RGS17: variants seen among roughly 807,000 people sequenced by gnomAD.
RGS17 encodes the protein regulator of G protein signaling 17.
A neutral mutation model predicts 25.5 loss-of-function variants in RGS17; 12 were observed. The observed-to-expected ratio is 0.47, with a 90% CI of 0.30 to 0.76. The LOEUF (loss-of-function observed/expected upper bound fraction) is 0.76. RGS17 is among the 30% of genes least tolerant of loss of function. The pLI, the probability that RGS17 is intolerant of heterozygous loss-of-function variation, is 0.07. For missense variants in RGS17, 196 were observed against 242.2 expected, an observed-to-expected ratio of 0.81 and a Z score of 1.27; for synonymous variants, 71 against 76.9, an observed-to-expected ratio of 0.92 and a Z score of 0.40.
intron 2 of RGS17, among the ~76,000 whole-genome samples, chr6:153,032,425 G>A (rs1427128858): frequency 2.0e-5 from 3 of 151,968 alleles, no homozygotes; most frequent in South Asian, 2.1e-4. Context: ...TTAAGCTTTT[G>A]TTTCATGAAC....
At chr6:153,046,665 T>C (rs1776388099) in intron 1 of RGS17, among the ~76,000 whole-genome samples, 1 of 152,086 alleles carries the variant, frequency 6.6e-6, no homozygotes, top group South Asian at 2.1e-4. Context: ...CCAAGGAATA[T>C]ACTCAGAATT....
At chr6:153,030,810 A>G (rs1018527133) in intron 2 of RGS17, among the ~76,000 whole-genome samples, 13 of 152,228 alleles carry the variant, frequency 8.5e-5, no homozygotes, top group African/African-American at 3.1e-4. Context: ...TGAATAAGAC[A>G]AAGGCTCTGC....
At chr6:153,022,135 G>A (rs969261541) in intron 4 of RGS17, among the ~76,000 whole-genome samples, 3 of 152,176 alleles carry the variant, frequency 2.0e-5, no homozygotes, top group African/African-American at 7.2e-5. Context: ...TTGAACCCAG[G>A]AGGTGGAGGT....
rs1447082593 is a variant in RGS17 at position 153,005,663 on chromosome 6, C to T, written c.*5911G>A. 4 of 152,022 alleles carry T rather than the reference C, an allele frequency of 2.6e-5. No homozygotes were observed. The East Asian group carries it at 7.7e-4, about 29-fold the overall frequency. The allele number at this position is 152,022 out of a possible 1,614,324, so 9.4% of individuals were successfully genotyped here. A position where few individuals can be genotyped will look rare whatever the true frequency, so the allele number is the denominator to read the frequency against. On this transcript the variant is annotated 3_prime_UTR_variant, in exon 5 of 5. Coordinates refer to ENST00000206262, the MANE Select transcript of RGS17 (RefSeq NM_012419.5). Reference sequence around the variant, plus strand: ...AAAACCAAAAACCTGTGTCTAGTCACGAGAAAAACATCAGACGAATCCCCA... The same window carrying T: ...AAAACCAAAAACCTGTGTCTAGTCATGAGAAAAACATCAGACGAATCCCCA...
At chr6:153,062,975 A>T (rs1446690836) in intron 1 of RGS17, among the ~76,000 whole-genome samples, 1 of 152,174 alleles carries the variant, frequency 6.6e-6, no homozygotes, top group Non-Finnish European at 1.5e-5. Context: ...AGGACCATCA[A>T]GGCAGTACCT....
At chr6:153,038,327 T>C (rs560212639) in intron 2 of RGS17, among the ~76,000 whole-genome samples, 6 of 152,294 alleles carry the variant, frequency 3.9e-5, no homozygotes, top group Non-Finnish European at 5.9e-5. Context: ...TCTGGTTTTG[T>C]GTATATGGCC....
At chr6:153,029,581 TTTTC>T (rs1413759100) in intron 2 of RGS17, among the ~76,000 whole-genome samples, 1 of 151,574 alleles carries the variant, frequency 6.6e-6, no homozygotes, top group Non-Finnish European at 1.5e-5. Context: ...ACACTTTTTT[TTTTC>T]TTTTTCTTTT....
intron 1 of RGS17, among the ~76,000 whole-genome samples, chr6:153,094,811 A>C (rs1777184789): frequency 6.6e-6 from 1 of 152,084 alleles, no homozygotes; most frequent in Non-Finnish European, 1.5e-5. Flanking sequence ...GGGCTTTTAT[A>C]CCTTCTTTCA....
At chr6:153,053,260 TA>T (rs1776487267) in intron 1 of RGS17, among the ~76,000 whole-genome samples, 2 of 152,152 alleles carry the variant, frequency 1.3e-5, no homozygotes, top group South Asian at 4.1e-4. Flanking sequence ...CAATGTTGAA[TA>T]AAAAAGCTGC....
intron 1 of RGS17, among the ~76,000 whole-genome samples, chr6:153,093,816 C>T (rs1421158839): frequency 6.6e-6 from 1 of 152,102 alleles, no homozygotes; most frequent in Admixed American, 6.5e-5. Context: ...ATCTTGCAGT[C>T]AGGGGACTTG....
chr6:153,039,584 TCAG>T (rs1233832689), intron 2 of RGS17, among the ~76,000 whole-genome samples: 10 of 152,324 alleles, frequency 6.6e-5, no homozygotes, highest in Non-Finnish European at 1.3e-4. Flanking sequence ...CACAGAAGCG[TCAG>T]TATTAAAAGA....
chr6:153,112,053 A>T (rs1777479009), intron 1 of RGS17, among the ~76,000 whole-genome samples: 2 of 152,334 alleles, frequency 1.3e-5, no homozygotes, highest in South Asian at 2.1e-4. Context: ...ACTCCTCACC[A>T]GCAAGGGAAC....
At chr6:153,128,581 T>C (rs1448619531) in intron 1 of RGS17, among the ~76,000 whole-genome samples, 2 of 152,208 alleles carry the variant, frequency 1.3e-5, no homozygotes, top group Admixed American at 6.5e-5. Flanking sequence ...TTTTGATCAA[T>C]TCAGATTTAA....
chr6:153,021,282 C>G (rs1779245458), intron 4 of RGS17, among the ~76,000 whole-genome samples: 2 of 152,166 alleles, frequency 1.3e-5, no homozygotes, highest in Admixed American at 6.5e-5. Context: ...CTCTCTCAAT[C>G]TGACATGTGC....
rs1243885850 is a variant in RGS17, at chr6:153,024,667, G to A, written c.210-171C>T. 4.6e-5 allele frequency among the ~76,000 whole-genome samples: 7 copies of A among 152,302 alleles called. No homozygotes were observed. The East Asian group carries it at 5.8e-4, about 13-fold the overall frequency. ...CCAAATAAGTATCTGTCAGGACTAC[G>A]TCAGTTATTTCAGGGTTTTGACAAA... is the stretch of plus-strand genomic sequence containing the variant. On this transcript the variant is annotated intron_variant, in intron 3 of 4. Coordinates refer to ENST00000206262, the MANE Select transcript of RGS17 (RefSeq NM_012419.5).
At chr6:153,039,887 C>T (rs1776300940) in intron 2 of RGS17, among the ~76,000 whole-genome samples, 3 of 152,120 alleles carry the variant, frequency 2.0e-5, no homozygotes. Flanking sequence ...TGAGAGGAGC[C>T]TTCAGTATCT....
At chr6:153,119,021 T>C (rs559374402) in intron 1 of RGS17, among the ~76,000 whole-genome samples, 2 of 152,334 alleles carry the variant, frequency 1.3e-5, no homozygotes, top group East Asian at 3.9e-4. Context: ...TACATGTATG[T>C]ATGCATGTGT....
intron 2 of RGS17, among the ~76,000 whole-genome samples, chr6:153,027,859 T>C (rs1038767578): frequency 7.2e-5 from 11 of 152,166 alleles, no homozygotes; most frequent in African/African-American, 2.7e-4. Flanking sequence ...TAAACATCGT[T>C]GGTATGGAAA....
chr6:153,089,488 G>T (rs1777096979), intron 1 of RGS17, among the ~76,000 whole-genome samples: 1 of 152,126 alleles, frequency 6.6e-6, no homozygotes, highest in African/African-American at 2.4e-5. Context: ...TTTAGTGAAT[G>T]TTGCTTCTGC....
Sources: gnomAD v4.1 joint callset for allele counts (sites outside exome capture counted in the v4.1 genomes callset) on GRCh38, gnomAD v4.1.1 for gene constraint, MANE v1.5 for transcripts, NCBI Gene and HGNC (gene_info 2026-07-23, HGNC 2026-07-21) for gene names.